The following TMC1 variants were observed in gnomAD, a reference collection of about 807,000 sequenced individuals.
The protein encoded by TMC1 is transmembrane channel like 1.
In TMC1, 84 loss-of-function variants were observed where a neutral mutation model predicts 105.8. The ratio of observed to expected loss-of-function variants is 0.79; its 90% CI spans 0.67 to 0.95. The LOEUF (loss-of-function observed/expected upper bound fraction) is 0.95. Among genes scored for constraint, TMC1 ranks in the 40% least tolerant of loss-of-function variants. The probability of loss-of-function intolerance (pLI) is 0.00; values close to 1 mark genes in which losing one functional copy is unlikely to be tolerated. For missense variants in TMC1, 817 were observed against 914.1 expected (o/e 0.89, Z 1.37); for synonymous variants, 315 against 311.5 (o/e 1.01, Z -0.12).
intron 10 of TMC1, among the ~76,000 whole-genome samples, chr9:72,750,813 A>C (rs11143386): frequency 6.6e-6 from 1 of 152,156 alleles, no homozygotes; most frequent in Non-Finnish European, 1.5e-5. Flanking sequence ...CTCCATCCTT[A>C]TCTGTCACCA....
intron 5 of TMC1, among the ~76,000 whole-genome samples, chr9:72,652,613 C>G (rs117230871): frequency 0.012 from 1,891 of 152,162 alleles, 15 homozygotes; most frequent in Non-Finnish European, 0.019. Flanking sequence ...GCGGACCAAC[C>G]CGGGGAACGT....
At chr9:72,672,797 C>T (rs1826143052) in intron 5 of TMC1, among the ~76,000 whole-genome samples, 1 of 150,668 alleles carries the variant, frequency 6.6e-6, no homozygotes, top group Admixed American at 6.6e-5. Context: ...AGGCCTTGAG[C>T]TCAGGAATTC....
chr9:72,662,321 G>A (rs1254127937), intron 5 of TMC1, among the ~76,000 whole-genome samples: 1 of 151,634 alleles, frequency 6.6e-6, no homozygotes, highest in South Asian at 2.1e-4. Flanking sequence ...TGAATTGCTG[G>A]GATCACAGAT....
intron 2 of TMC1, among the ~76,000 whole-genome samples, chr9:72,607,000 T>TAGAGAGAGAGAGAGAGAG (rs796092443): frequency 1.9e-4 from 25 of 128,646 alleles, no homozygotes; most frequent in Non-Finnish European, 2.9e-4. Context: ...TATATATATA[T>TAGAGAGAGAGAGAGAGAG]ATAGAGAGAG....
intron 5 of TMC1, among the ~76,000 whole-genome samples, chr9:72,686,229 A>T (rs979373889): frequency 1.3e-5 from 2 of 152,072 alleles, no homozygotes; most frequent in African/African-American, 4.8e-5. Context: ...TCTCCAGGAG[A>T]CAAGGTTATT....
intron 21 of TMC1, 68 bp downstream of exon 21, chr9:72,827,062 C>CT: frequency 6.3e-7 from 1 of 1,599,290 alleles, no homozygotes; most frequent in Non-Finnish European, 8.6e-7. Context: ...TACATTTCAG[C>CT]TTTTTCAGCT....
intron 2 of TMC1, among the ~76,000 whole-genome samples, chr9:72,599,501 G>C (rs969663731): frequency 5.3e-5 from 8 of 152,180 alleles, no homozygotes; most frequent in African/African-American, 1.9e-4. Context: ...CTAAGAAAAG[G>C]CCTGGGGAGG....
chr9:72,693,433 T>C (rs1826501628), intron 6 of TMC1, among the ~76,000 whole-genome samples: 1 of 152,224 alleles, frequency 6.6e-6, no homozygotes, highest in South Asian at 2.1e-4. Context: ...AGGGGGCTTG[T>C]CTCTCCTTTG....
At chr9:72,527,453 T>C (rs1823424775) in intron 1 of TMC1, among the ~76,000 whole-genome samples, 1 of 152,146 alleles carries the variant, frequency 6.6e-6, no homozygotes, top group Admixed American at 6.5e-5. Flanking sequence ...CAGGTTGATA[T>C]TCTGGTGTTT....
intron 1 of TMC1, among the ~76,000 whole-genome samples, chr9:72,542,663 G>A (rs1482197620): frequency 6.6e-6 from 1 of 151,824 alleles, no homozygotes; most frequent in Non-Finnish European, 1.5e-5. Flanking sequence ...CATCTTTACT[G>A]TTCAGGCCTC....
At chr9:72,595,279 A>T (rs1368625256) in intron 2 of TMC1, among the ~76,000 whole-genome samples, 1 of 152,168 alleles carries the variant, frequency 6.6e-6, no homozygotes, top group African/African-American at 2.4e-5. Context: ...CACTAGACAG[A>T]ACTTCTGTGT....
intron 11 of TMC1, among the ~76,000 whole-genome samples, chr9:72,752,686 G>C (rs1827600172): frequency 1.3e-5 from 2 of 152,142 alleles, no homozygotes; most frequent in Admixed American, 1.3e-4. Flanking sequence ...ACAGAAGTTG[G>C]ATTAGGTTTT....
chr9:72,689,607 T>C (rs1826432887), intron 6 of TMC1, among the ~76,000 whole-genome samples: 1 of 152,148 alleles, frequency 6.6e-6, no homozygotes, highest in South Asian at 2.1e-4. Context: ...TTAATGTTTA[T>C]ATTTAGGTGC....
intron 2 of TMC1, among the ~76,000 whole-genome samples, chr9:72,602,857 CTT>C (rs1271281391): frequency 1.3e-5 from 2 of 152,118 alleles, no homozygotes; most frequent in Non-Finnish European, 2.9e-5. Context: ...ATATTTCTGA[CTT>C]TAGAGAAATT....
intron 17 of TMC1, among the ~76,000 whole-genome samples, chr9:72,802,573 C>G (rs972114514): frequency 1.3e-5 from 2 of 152,106 alleles, no homozygotes; most frequent in African/African-American, 4.8e-5. Flanking sequence ...GAACAATTTG[C>G]TCCTGAACGA....
intron 2 of TMC1, among the ~76,000 whole-genome samples, chr9:72,584,018 A>G (rs1824512483): frequency 6.6e-6 from 1 of 152,190 alleles, no homozygotes; most frequent in Non-Finnish European, 1.5e-5. Flanking sequence ...TGTTCCTGGC[A>G]GGGGGGTTAA....
chr9:72,716,363 A>C (rs2793163), intron 8 of TMC1, among the ~76,000 whole-genome samples: 85,277 of 151,852 alleles, frequency 0.56, 25,107 homozygotes, highest in African/African-American at 0.76. Flanking sequence ...GCACCCACAA[A>C]CTCCCCTTCC....
At chr9:72,625,678 ACT>A (rs1396160249) in intron 3 of TMC1, among the ~76,000 whole-genome samples, 1 of 140,130 alleles carries the variant, frequency 7.1e-6, no homozygotes, top group African/African-American at 2.7e-5. Flanking sequence ...ACAGAGCGAG[ACT>A]CTGTCTCAAA....
intron 12 of TMC1, among the ~76,000 whole-genome samples, chr9:72,763,896 G>T (rs769249900): frequency 6.6e-6 from 1 of 152,120 alleles, no homozygotes; most frequent in Non-Finnish European, 1.5e-5. Context: ...GGGCAAGATG[G>T]CTGTGAGGAG....
Sources: allele counts gnomAD v4.1 joint callset (sites outside exome capture counted in the v4.1 genomes callset), GRCh38; gene constraint gnomAD v4.1.1; transcripts MANE v1.5; gene names NCBI Gene and HGNC (gene_info 2026-07-23, HGNC 2026-07-21).